The following RXFP1 variants were observed in gnomAD, a reference collection of about 807,000 sequenced individuals.
RXFP1 encodes the protein relaxin family peptide receptor 1, also known as relaxin receptor 1.
Under a neutral mutation model 89.8 loss-of-function variants are expected in RXFP1, and 73 were observed. The ratio of observed to expected loss-of-function variants is 0.81; its 90% confidence interval spans 0.67 to 0.99. RXFP1 has a LOEUF of 0.99. Ranked by LOEUF, RXFP1 falls within the 50% of genes least tolerant of loss-of-function variation. The pLI is 0.00. For synonymous variants in RXFP1, 277 were observed against 305.5 expected (o/e 0.91, Z 0.97); for missense variants, 793 against 895.5 (o/e 0.89, Z 1.46).
intron 15 of RXFP1, among the ~76,000 whole-genome samples, chr4:158,646,122 A>G (rs1399096030): frequency 6.6e-6 from 1 of 152,208 alleles, no homozygotes; most frequent in Non-Finnish European, 1.5e-5. Flanking sequence ...AAATATGCCA[A>G]GTAGTGTAAG....
rs528653634 is a variant in RXFP1 at position 158,534,473 on chromosome 4, C to A, written c.49+12448C>A. The stretch of plus-strand genomic sequence containing the variant: ...TGTTGGTCAGGTTGGTCTCGAACTC[C>A]TGACCTCAGGTGATCCGCCCGCCTC... On this transcript the variant is annotated intron_variant, in intron 1 of 17. Coordinates refer to ENST00000307765, the MANE Select transcript of RXFP1 (RefSeq NM_021634.4). Among the ~76,000 whole-genome samples, 9 of 152,226 alleles carry A rather than the reference C, an allele frequency of 5.9e-5. No individual in the cohort carries two copies. The South Asian group carries it at 1.9e-3, about 32-fold the overall frequency.
In RXFP1 at chr4:158,638,064, T is replaced by A; in HGVS notation, c.1028T>A (p.Val343Asp). 10 of 1,598,562 alleles carry A rather than the reference T, an allele frequency of 6.3e-6. No homozygotes were observed. Among genetic ancestry groups the A allele is most frequent in the Non-Finnish European group, 8.6e-6 (10 of 1,166,942 alleles). Reference sequence around the variant, plus strand: ...CAAGCAAACCAATTTGATTATCTTGTCAAACTCAAGTCTCTGTAAGTATTC... The same window carrying A: ...CAAGCAAACCAATTTGATTATCTTGACAAACTCAAGTCTCTGTAAGTATTC... Reference protein sequence around the residue: ...KIQANQFDYLVKLKSLSLEGI... With the variant: ...KIQANQFDYLDKLKSLSLEGI... The change falls in exon 13 of 18, where the codon GTC (valine) becomes GAC (aspartate). Residue 343 changes from valine (V) to aspartate (D), a missense_variant. Physicochemically the swap from Val to Asp is radical, Grantham distance 152. Coordinates refer to ENST00000307765, the MANE Select transcript of RXFP1 (RefSeq NM_021634.4).
Position 158,598,743 on chromosome 4 carries a change from C to G in RXFP1, c.287-583C>G, listed in dbSNP as rs1761110930. The stretch of plus-strand genomic sequence containing the variant: ...CCTATGCAGAAAAAACATTCACTCC[C>G]ATAAATAAACTTTTATTCATCCTTT... On this transcript the variant is annotated intron_variant, in intron 3 of 17. Transcript: ENST00000307765. Among the ~76,000 whole-genome samples, 2 of 151,942 alleles carry G rather than the reference C, an allele frequency of 1.3e-5. 1 individual carries two copies. Among genetic ancestry groups the G allele is most frequent in the Admixed American group, 1.3e-4 (2 of 15,242 alleles).
chr4:158,546,524 G>T (rs1167350427), intron 1 of RXFP1, among the ~76,000 whole-genome samples: 1 of 152,152 alleles, frequency 6.6e-6, no homozygotes, highest in Non-Finnish European at 1.5e-5. Flanking sequence ...TCCCTGTCTT[G>T]TGCCAGTTTT....
intron 1 of RXFP1, among the ~76,000 whole-genome samples, chr4:158,567,972 G>T (rs1273871601): frequency 6.6e-6 from 1 of 152,308 alleles, no homozygotes; most frequent in South Asian, 2.1e-4. Flanking sequence ...GATTCACACT[G>T]CTTTTATGAG....
At chr4:158,524,229 GA>G (rs1317423068) in intron 1 of RXFP1, among the ~76,000 whole-genome samples, 2 of 152,156 alleles carry the variant, frequency 1.3e-5, no homozygotes, top group African/African-American at 4.8e-5. Context: ...GCCAAGATTG[GA>G]ATGCTTTCAG....
chr4:158,537,893 G>A (rs920998554), intron 1 of RXFP1, among the ~76,000 whole-genome samples: 4 of 152,196 alleles, frequency 2.6e-5, no homozygotes, highest in Non-Finnish European at 5.9e-5. Context: ...TAGATAGAGG[G>A]ATCCCAAGCA....
chr4:158,626,188 A>T (rs1204536310), intron 9 of RXFP1, among the ~76,000 whole-genome samples: 1 of 152,058 alleles, frequency 6.6e-6, no homozygotes, highest in Non-Finnish European at 1.5e-5. Context: ...GTAGAGATAG[A>T]GATATATGCA....
At chr4:158,601,316 C>A (rs1203953056) in intron 4 of RXFP1, among the ~76,000 whole-genome samples, 1 of 151,882 alleles carries the variant, frequency 6.6e-6, no homozygotes, top group Non-Finnish European at 1.5e-5. Context: ...CCCTTCTAAG[C>A]AACAGTATGA....
At chr4:158,547,652 T>C (rs1025759939) in intron 1 of RXFP1, among the ~76,000 whole-genome samples, 3 of 152,212 alleles carry the variant, frequency 2.0e-5, no homozygotes, top group Non-Finnish European at 4.4e-5. Flanking sequence ...ATGTTGTGTC[T>C]TTGTTCTCGT....
intron 1 of RXFP1, among the ~76,000 whole-genome samples, chr4:158,561,955 A>C (rs557244250): frequency 6.6e-6 from 1 of 152,240 alleles, no homozygotes; most frequent in Non-Finnish European, 1.5e-5. Context: ...TGCATGCTTA[A>C]AAACTTTAGA....
chr4:158,612,577 T>G (rs1034277265), intron 8 of RXFP1, among the ~76,000 whole-genome samples: 1 of 152,224 alleles, frequency 6.6e-6, no homozygotes, highest in African/African-American at 2.4e-5. Context: ...CCATAAAAAC[T>G]GAATACATTC....
intron 1 of RXFP1, among the ~76,000 whole-genome samples, chr4:158,569,078 T>C (rs762058353): frequency 1.3e-5 from 2 of 152,242 alleles, no homozygotes; most frequent in Non-Finnish European, 2.9e-5. Flanking sequence ...ATAGTTAATA[T>C]GTGGCCAACA....
intron 1 of RXFP1, among the ~76,000 whole-genome samples, chr4:158,567,194 G>T (rs1215585176): frequency 6.6e-6 from 1 of 152,150 alleles, no homozygotes; most frequent in Non-Finnish European, 1.5e-5. Context: ...ACCCCGCCTT[G>T]GGCTCCTGCA....
intron 13 of RXFP1, among the ~76,000 whole-genome samples, chr4:158,638,801 G>T (rs1769745873): frequency 9.8e-6 from 1 of 101,932 alleles, no homozygotes. Context: ...AACAGAGGAA[G>T]ACCCTGTCTC....
intron 1 of RXFP1, among the ~76,000 whole-genome samples, chr4:158,527,540 T>G (rs911254894): frequency 6.2e-5 from 5 of 80,332 alleles, no homozygotes; most frequent in Non-Finnish European, 1.1e-4. Context: ...TGAGACTCCA[T>G]CTCCCCCGCT....
At chr4:158,591,585 CAA>C (rs556318387) in intron 2 of RXFP1, among the ~76,000 whole-genome samples, 22 of 82,330 alleles carry the variant, frequency 2.7e-4, no homozygotes, top group Admixed American at 1.4e-4. Context: ...CCCATCTCTA[CAA>C]AAAAAAAAAA....
intron 2 of RXFP1, among the ~76,000 whole-genome samples, chr4:158,586,705 G>A (rs1337609360): frequency 1.3e-5 from 2 of 152,120 alleles, no homozygotes; most frequent in Middle Eastern, 6.3e-3. Context: ...TCTGCCTTCT[G>A]GTGGGAGGAA....
Position 158,617,147 on chromosome 4 carries a change from G to C in RXFP1, c.697G>C (p.Val233Leu), listed in dbSNP as rs116791794. ...SLILLVLMNN[V>L]LTRLPDKPLC... Reference sequence around the variant, plus strand: ...CTTTTTCAGAGTCCTGATGAATAACGTCCTCACCCGTTTACCTGATAAACC... The same window carrying C: ...CTTTTTCAGAGTCCTGATGAATAACCTCCTCACCCGTTTACCTGATAAACC... The change falls in exon 9 of 18, where the codon GTC (valine) becomes CTC (leucine). Residue 233 changes from valine (V) to leucine (L), a missense_variant. Physicochemically the swap from Val to Leu is conservative, Grantham distance 32. Coordinates refer to ENST00000307765, the MANE Select transcript of RXFP1 (RefSeq NM_021634.4). 6 of 1,607,858 alleles carry C rather than the reference G, an allele frequency of 3.7e-6. No individual in the cohort carries two copies. In the South Asian group the frequency reaches 6.7e-5, roughly 18 times the overall value.
Sources: allele counts gnomAD v4.1 joint callset (sites outside exome capture counted in the v4.1 genomes callset), GRCh38; gene constraint gnomAD v4.1.1; transcripts MANE v1.5; gene names NCBI Gene and HGNC (gene_info 2026-07-23, HGNC 2026-07-21).